ANKRD30A: variants seen among roughly 807,000 people sequenced by gnomAD.
ANKRD30A encodes ankyrin repeat domain-containing protein 30A.
ANKRD30A carries 170 observed loss-of-function variants against 166.3 expected under a neutral mutation model. The ratio of observed to expected loss-of-function variants is 1.02; its 90% CI spans 0.90 to 1.16. The LOEUF is 1.16. Among genes scored for constraint, ANKRD30A ranks in the 50% most tolerant of loss-of-function variants. The pLI is 0.00. For synonymous variants in ANKRD30A, 564 were observed against 508.9 expected, an observed-to-expected ratio of 1.11 and a Z score of -1.46; for missense variants, 1,630 against 1,518.0, an observed-to-expected ratio of 1.07 and a Z score of -1.23.
At chr10:37,138,502 C>A (rs1836870265) in intron 6 of ANKRD30A, among the ~76,000 whole-genome samples, 2 of 152,084 alleles carry the variant, frequency 1.3e-5, no homozygotes, top group African/African-American at 4.8e-5. Flanking sequence ...GAATGGCTAA[C>A]TAGAATAACC....
At chr10:37,212,699 C>G (rs529481462) in intron 31 of ANKRD30A, among the ~76,000 whole-genome samples, 1 of 151,986 alleles carries the variant, frequency 6.6e-6, no homozygotes, top group East Asian at 1.9e-4. Context: ...GAACAGAGTC[C>G]TCAGAAATAA....
intron 25 of ANKRD30A, among the ~76,000 whole-genome samples, chr10:37,189,880 C>G (rs1454797039): frequency 6.6e-6 from 1 of 151,638 alleles, no homozygotes; most frequent in Non-Finnish European, 1.5e-5. Flanking sequence ...TATGAAGGAA[C>G]AAGAAGCAGG....
the ANKRD30A span, among the ~76,000 whole-genome samples, chr10:37,258,113 C>G: frequency 6.6e-6 from 1 of 152,042 alleles, no homozygotes; most frequent in Non-Finnish European, 1.5e-5. Flanking sequence ...GCACATGTAT[C>G]CCAGAACTTA....
intron 31 of ANKRD30A, among the ~76,000 whole-genome samples, chr10:37,208,397 T>A (rs760237437): frequency 2.0e-5 from 3 of 152,130 alleles, no homozygotes; most frequent in Non-Finnish European, 4.4e-5. Flanking sequence ...TAACCTGAGG[T>A]AACAGAGAGT....
chr10:37,216,756 T>C lies in ANKRD30A; in HGVS notation c.3083+362T>C, dbSNP rs1345970714. Reference sequence around the variant, plus strand: ...TTTCTAATTATTGACTTGAAATAAATTCTTCAATATAAAAATATTTGGTTA... The same window carrying C: ...TTTCTAATTATTGACTTGAAATAAACTCTTCAATATAAAAATATTTGGTTA... On this transcript the variant is annotated intron_variant, in intron 32 of 35. Transcript: ENST00000361713. Among the ~76,000 whole-genome samples, 6 of 151,192 alleles carry C rather than the reference T, an allele frequency of 4.0e-5. No homozygotes were observed. The East Asian group carries it at 1.2e-3, about 29-fold the overall frequency.
chr10:37,239,188 C>G, the ANKRD30A span, among the ~76,000 whole-genome samples: 2 of 152,098 alleles, frequency 1.3e-5, no homozygotes, highest in Non-Finnish European at 2.9e-5. Flanking sequence ...TTAAATAATT[C>G]TTAAAACTGA....
the ANKRD30A span, among the ~76,000 whole-genome samples, chr10:37,263,358 G>T: frequency 1.8e-4 from 28 of 152,044 alleles, no homozygotes; most frequent in African/African-American, 6.7e-4. Context: ...CTGGTTTCAG[G>T]ATGATTCAAG....
At chr10:37,149,525 T>C (rs2132551820) in intron 9 of ANKRD30A, 126 bp from the exon 10 acceptor site, 2 of 1,201,904 alleles carry the variant, frequency 1.7e-6, no homozygotes, top group Admixed American at 2.2e-5. Context: ...AAGAAAACTT[T>C]CCAAATCTAA....
rs543180343 is a variant in ANKRD30A, at chr10:37,149,774, T to A, written c.1573-3T>A. ...TAATCATTTTGCTTCCAACCCCATTTAGCCTGCCATTGAAATGCAAAACTC... is the reference window on the plus strand; with the variant it reads ...TAATCATTTTGCTTCCAACCCCATTAAGCCTGCCATTGAAATGCAAAACTC... On this transcript the variant is annotated splice_region_variant and splice_polypyrimidine_tract_variant and intron_variant, in intron 10 of 35. Coordinates refer to ENST00000361713, the MANE Select transcript of ANKRD30A (RefSeq NM_052997.3). The A allele has an allele frequency of 1.2e-6, 2 of 1,613,028 alleles. No homozygotes were observed. The highest frequency in any genetic ancestry group is 4.5e-5 in the East Asian group (2 of 44,774).
chr10:37,160,271 A>T (rs1485980777), intron 15 of ANKRD30A, among the ~76,000 whole-genome samples: 1 of 152,214 alleles, frequency 6.6e-6, no homozygotes, highest in African/African-American at 2.4e-5. Flanking sequence ...TAAAATGAAA[A>T]TATTTAAAAT....
intron 34 of ANKRD30A, among the ~76,000 whole-genome samples, chr10:37,224,235 ATCT>A (rs201388562): frequency 0.011 from 1,721 of 151,222 alleles, 31 homozygotes; most frequent in African/African-American, 0.04. Flanking sequence ...GTATTTGGTA[ATCT>A]TCTTCTTGGT....
At chr10:37,164,806 T>A (rs1347075238) in intron 17 of ANKRD30A, among the ~76,000 whole-genome samples, 1 of 152,100 alleles carries the variant, frequency 6.6e-6, no homozygotes, top group East Asian at 1.9e-4. Flanking sequence ...GGGCATACTG[T>A]GTTTCACAGG....
chr10:37,199,582 A>G (rs1841449937), intron 29 of ANKRD30A, 145 bp from the exon 30 acceptor site: 1 of 459,798 alleles, frequency 2.2e-6, no homozygotes, highest in South Asian at 2.6e-5. Flanking sequence ...GACTATAGGA[A>G]GTAGTCATTG....
At chr10:37,199,248 A>C (rs1841417034) in intron 29 of ANKRD30A, among the ~76,000 whole-genome samples, 1 of 152,132 alleles carries the variant, frequency 6.6e-6, no homozygotes. Context: ...CATATAGTTG[A>C]CTGACATCAA....
intron 34 of ANKRD30A, among the ~76,000 whole-genome samples, chr10:37,220,676 A>G (rs1374945978): frequency 6.6e-6 from 1 of 151,128 alleles, no homozygotes; most frequent in Non-Finnish European, 1.5e-5. Flanking sequence ...CATAATTTCT[A>G]TTTGAAGGCT....
chr10:37,235,282 C>T (rs2099781927), downstream of ANKRD30A, among the ~76,000 whole-genome samples: 1 of 151,904 alleles, frequency 6.6e-6, no homozygotes, highest in Admixed American at 6.6e-5. Context: ...TGGATCTATG[C>T]TTAATCTATC....
chr10:37,142,570 C>CT (rs869026268), intron 7 of ANKRD30A, among the ~76,000 whole-genome samples: 4,273 of 78,938 alleles, frequency 0.054, 1,087 homozygotes, highest in East Asian at 0.06. Flanking sequence ...TAGGATCACA[C>CT]TTTTTTTTTT....
intron 11 of ANKRD30A, among the ~76,000 whole-genome samples, chr10:37,151,297 G>T (rs1254094832): frequency 6.6e-6 from 1 of 152,074 alleles, no homozygotes; most frequent in African/African-American, 2.4e-5. Context: ...AACTCGTCAA[G>T]TCTTGAGTGG....
At chr10:37,199,479 T>G (rs1342303029) in intron 29 of ANKRD30A, among the ~76,000 whole-genome samples, 2 of 152,026 alleles carry the variant, frequency 1.3e-5, no homozygotes, top group Non-Finnish European at 2.9e-5. Context: ...TGTGAAGAAA[T>G]AATTCATAGA....
Sources: allele counts gnomAD v4.1 joint callset (sites outside exome capture counted in the v4.1 genomes callset), GRCh38; gene constraint gnomAD v4.1.1; transcripts MANE v1.5; gene names NCBI Gene and HGNC (gene_info 2026-07-23, HGNC 2026-07-21).